Variants in SPTBN1 observed in about 807,000 individuals in gnomAD.
The protein encoded by SPTBN1 is spectrin beta, non-erythrocytic 1.
A neutral mutation model predicts 266.4 loss-of-function variants in SPTBN1; 32 were observed. The observed-to-expected ratio is 0.12, with a 90% CI of 0.09 to 0.16. The LOEUF is 0.16. SPTBN1 is among the 10% of genes least tolerant of loss of function. The pLI, the probability that SPTBN1 is intolerant of heterozygous loss-of-function variation, is 1.00. For synonymous variants in SPTBN1, 1,336 were observed against 1,162.2 expected, an observed-to-expected ratio of 1.15 and a Z score of -3.04; for missense variants, 2,296 against 3,067.1, an observed-to-expected ratio of 0.75 and a Z score of 5.94.
At chr2:54,464,543 T>A (rs1693528700) in intron 1 of SPTBN1, among the ~76,000 whole-genome samples, 1 of 152,216 alleles carries the variant, frequency 6.6e-6, no homozygotes, top group South Asian at 2.1e-4. Flanking sequence ...CTCTCTTGTA[T>A]GAAAGGAAAT....
intron 30 of SPTBN1, 73 bp downstream of exon 30, chr2:54,658,119 G>A (rs553928616): frequency 6.4e-7 from 1 of 1,566,176 alleles, no homozygotes; most frequent in Admixed American, 1.8e-5. Flanking sequence ...TCTTAGACCA[G>A]GGAATTCACA....
intron 1 of SPTBN1, among the ~76,000 whole-genome samples, chr2:54,473,134 T>G (rs1694010592): frequency 6.6e-6 from 1 of 152,232 alleles, no homozygotes; most frequent in Non-Finnish European, 1.5e-5. Context: ...TTCCGTATTT[T>G]ACATGTATTT....
In SPTBN1 at chr2:54,649,635, G is replaced by A; in HGVS notation, c.5223G>A (p.Arg1741=). The A allele has an allele frequency of 6.8e-6, 11 of 1,609,722 alleles. No homozygotes were observed. Among genetic ancestry groups the A allele is most frequent in the Non-Finnish European group, 9.4e-6 (11 of 1,176,172 alleles). Residue 1741 remains arginine, a synonymous_variant, in exon 26 of 36, where the codon CGG becomes CGA. Transcript: ENST00000356805. The surrounding 1 kb of genome is among the most constrained non-coding windows in gnomAD (Gnocchi z 6.7). The part of the protein sequence containing the change: ...EHVTMLQERF[R]EFARDTGNIG... ...TTCAGATGTTACAAGAACGATTCCG[G>A]GAGTTTGCCCGAGACACCGGGAACA...
intron 19 of SPTBN1, 57 bp downstream of exon 19, chr2:54,643,186 C>T: frequency 4.4e-6 from 7 of 1,602,882 alleles, no homozygotes; most frequent in Non-Finnish European, 6.0e-6. Context: ...TAGTAATAAA[C>T]TCCTTTTTAT....
rs753307361 is a variant in SPTBN1, at chr2:54,554,865, C to T, written c.148+28299C>T. ...GTTGGGCCCTGCCTTGGAACATCTTCCCCTGAGTCTGATAACCCTCATTCA... is the reference window on the plus strand; with the variant it reads ...GTTGGGCCCTGCCTTGGAACATCTTTCCCTGAGTCTGATAACCCTCATTCA... On this transcript the variant is annotated intron_variant, in intron 2 of 35. Transcript: ENST00000356805. The surrounding 1 kb of genome is among the most constrained non-coding windows in gnomAD (Gnocchi z 4.5). Among the ~76,000 whole-genome samples, 16 of 152,162 alleles carry T rather than the reference C, an allele frequency of 1.1e-4. No homozygotes were observed. The highest frequency in any genetic ancestry group is 2.1e-4 in the Non-Finnish European group (14 of 68,032).
At chr2:54,541,037 C>A (rs983389902) in intron 2 of SPTBN1, among the ~76,000 whole-genome samples, 4 of 152,198 alleles carry the variant, frequency 2.6e-5, no homozygotes, top group Admixed American at 1.3e-4. Flanking sequence ...TAGTAACTTC[C>A]TAAATCCATG....
chr2:54,585,331 A>T (rs1675219171), intron 2 of SPTBN1, among the ~76,000 whole-genome samples: 1 of 152,172 alleles, frequency 6.6e-6, no homozygotes, highest in Non-Finnish European at 1.5e-5. Context: ...CCCTCTTCTG[A>T]TGAGTGTGAG....
intron 4 of SPTBN1, among the ~76,000 whole-genome samples, chr2:54,615,389 A>G (rs1432576284): frequency 6.6e-6 from 1 of 152,190 alleles, no homozygotes; most frequent in Non-Finnish European, 1.5e-5. Context: ...TCCATTCCAC[A>G]TTTTACTCTA....
rs188000299 is a variant in SPTBN1 at position 54,622,880 on chromosome 2, T to C, written c.1064+393T>C. 2.6e-5 allele frequency among the ~76,000 whole-genome samples: 4 copies of C among 152,316 alleles called. No individual in the cohort carries two copies. In the East Asian group the frequency reaches 7.7e-4, roughly 29 times the overall value. ...GGCAATAGCCCATAAGCCCAGTAAGTATCTGTAGCAAAATGTGTAAATATT... is the reference window on the plus strand; with the variant it reads ...GGCAATAGCCCATAAGCCCAGTAAGCATCTGTAGCAAAATGTGTAAATATT... On this transcript the variant is annotated intron_variant, in intron 9 of 35. Transcript: ENST00000356805.
chr2:54,562,599 T>C (rs1161182341), intron 2 of SPTBN1, among the ~76,000 whole-genome samples: 1 of 148,626 alleles, frequency 6.7e-6, no homozygotes, highest in African/African-American at 2.5e-5. Context: ...GTGATGATCT[T>C]GGCTCACTGC....
At chr2:54,514,561 G>T (rs1670016283) in intron 1 of SPTBN1, among the ~76,000 whole-genome samples, 1 of 152,182 alleles carries the variant, frequency 6.6e-6, no homozygotes, top group African/African-American at 2.4e-5. Context: ...GGAAGAAGAT[G>T]GCTAAATCTT....
intron 1 of SPTBN1, among the ~76,000 whole-genome samples, chr2:54,467,889 T>C (rs1459325186): frequency 6.6e-6 from 1 of 152,154 alleles, no homozygotes; most frequent in Non-Finnish European, 1.5e-5. Flanking sequence ...CAAAAGTATT[T>C]TTAAGATATC....
chr2:54,645,800 C>A lies in SPTBN1; in HGVS notation c.4495-128C>A. ...AACAAGGGCGTGCTTCCCCAGACAGCCCTCCCGAGGGGGCTGAGCACTCTC... is the reference window on the plus strand; with the variant it reads ...AACAAGGGCGTGCTTCCCCAGACAGACCTCCCGAGGGGGCTGAGCACTCTC... On this transcript the variant is annotated intron_variant, in intron 21 of 35. Coordinates refer to ENST00000356805, the MANE Select transcript of SPTBN1 (RefSeq NM_003128.3). The surrounding 1 kb of genome is among the most constrained non-coding windows in gnomAD (Gnocchi z 4.3). 1.0e-6 allele frequency: 1 copy of A among 976,448 alleles called. No homozygotes were observed. The highest frequency in any genetic ancestry group is 1.5e-6 in the Non-Finnish European group (1 of 650,904). The allele number at this position is 976,448 out of a possible 1,614,324, so 60.5% of individuals were successfully genotyped here. A position where few individuals can be genotyped will look rare whatever the true frequency, so the allele number is the denominator to read the frequency against.
intron 2 of SPTBN1, among the ~76,000 whole-genome samples, chr2:54,546,196 G>A (rs762586352): frequency 1.3e-5 from 2 of 152,140 alleles, no homozygotes; most frequent in South Asian, 4.1e-4. Flanking sequence ...TTTTTGATCA[G>A]TAAGAACCTT....
chr2:54,599,137 A>T lies in SPTBN1; in HGVS notation c.194A>T (p.Asn65Ile). ...VQKKTFTKWVNSHLARVSCRI... is the reference protein window; with the variant it reads ...VQKKTFTKWVISHLARVSCRI... ...AAGAAGACCTTCACCAAGTGGGTCAATTCCCACCTTGCCCGTGTGTCCTGC... is the reference window on the plus strand; with the variant it reads ...AAGAAGACCTTCACCAAGTGGGTCATTTCCCACCTTGCCCGTGTGTCCTGC... The change falls in exon 3 of 36, where the codon AAT (asparagine) becomes ATT (isoleucine). Residue 65 changes from asparagine (N) to isoleucine (I), a missense_variant. This residue lies in a region of SPTBN1 where 178 missense variants were observed against 375.7 expected (regional missense o/e 0.47). Coordinates refer to ENST00000356805, the MANE Select transcript of SPTBN1 (RefSeq NM_003128.3). 1.9e-6 allele frequency: 3 copies of T among 1,614,182 alleles called. No individual in the cohort carries two copies. The highest frequency in any genetic ancestry group is 2.5e-6 in the Non-Finnish European group (3 of 1,180,036).
chr2:54,641,915 T>G (rs1415117403), intron 18 of SPTBN1, among the ~76,000 whole-genome samples: 3 of 152,224 alleles, frequency 2.0e-5, no homozygotes, highest in Non-Finnish European at 4.4e-5. Flanking sequence ...TCTAGATCTT[T>G]GTTGGTAGAA....
intron 4 of SPTBN1, among the ~76,000 whole-genome samples, chr2:54,613,149 A>C (rs534512850): frequency 4.6e-5 from 7 of 152,314 alleles, no homozygotes; most frequent in African/African-American, 1.4e-4. Flanking sequence ...CTCCAGGCTC[A>C]TGCTTCGTAC....
At chr2:54,505,907 G>A (rs1029997443) in intron 1 of SPTBN1, among the ~76,000 whole-genome samples, 5 of 151,914 alleles carry the variant, frequency 3.3e-5, no homozygotes, top group African/African-American at 9.7e-5. Flanking sequence ...GGCGGATCTC[G>A]AGGTCAGGAG....
At chr2:54,456,969 C>T (rs542737045) in intron 1 of SPTBN1, among the ~76,000 whole-genome samples, 4 of 151,292 alleles carry the variant, frequency 2.6e-5, no homozygotes, top group African/African-American at 7.3e-5. Flanking sequence ...TTTTCAGGTG[C>T]CCTCTCTGTG....
Sources: allele counts gnomAD v4.1 joint callset (sites outside exome capture counted in the v4.1 genomes callset), GRCh38; gene constraint gnomAD v4.1.1; regional missense constraint gnomAD v4.1.1; non-coding constraint Gnocchi (gnomAD v3.1); transcripts MANE v1.5; gene names NCBI Gene and HGNC (gene_info 2026-07-23, HGNC 2026-07-21).